Variants in KCNQ3 observed in about 807,000 individuals in gnomAD.
The protein encoded by KCNQ3 is potassium voltage-gated channel subfamily KQT member 3.
A neutral mutation model predicts 92.5 loss-of-function variants in KCNQ3; 30 were observed. The ratio of observed to expected loss-of-function variants is 0.32; its 90% confidence interval spans 0.24 to 0.44. KCNQ3 has a LOEUF of 0.44. Ranked by LOEUF, KCNQ3 falls within the 20% of genes least tolerant of loss-of-function variation. The probability of loss-of-function intolerance (pLI) is 1.00; values close to 1 mark genes in which losing one functional copy is unlikely to be tolerated. For synonymous variants in KCNQ3, 450 were observed against 468.8 expected (o/e 0.96, Z 0.52); for missense variants, 913 against 1,140.3 (o/e 0.80, Z 2.87).
At chr8:132,157,896 T>G (rs1318051820) in intron 9 of KCNQ3, among the ~76,000 whole-genome samples, 2 of 152,136 alleles carry the variant, frequency 1.3e-5, no homozygotes, top group African/African-American at 4.8e-5. Context: ...TTCTCATTGT[T>G]CAACTCCCAT....
At chr8:132,385,461 C>T (rs59221182) in intron 1 of KCNQ3, among the ~76,000 whole-genome samples, 26,068 of 152,068 alleles carry the variant, frequency 0.17, 2,757 homozygotes, top group African/African-American at 0.3. Flanking sequence ...AGTGTAGAGA[C>T]GTGAGGCCCA....
At chr8:132,281,267 AC>A (rs1816503334) in intron 1 of KCNQ3, among the ~76,000 whole-genome samples, 1 of 152,158 alleles carries the variant, frequency 6.6e-6, no homozygotes, top group Admixed American at 6.5e-5. Flanking sequence ...AACACAGTTA[AC>A]TGGGAACTTA....
At chr8:132,140,237 C>T in intron 10 of KCNQ3, 59 bp from the exon 11 acceptor site, 2 of 1,283,154 alleles carry the variant, frequency 1.6e-6, no homozygotes, top group South Asian at 2.4e-5. Context: ...GCTTGGGGAC[C>T]CCACTGTTCG....
chr8:132,120,988 C>A lies in KCNQ3; in HGVS notation c.*8274G>T, dbSNP rs899306963. The stretch of plus-strand genomic sequence containing the variant: ...CTATTAAAGTTGTTCAAATATTGGA[C>A]AGAGCCAGAATATAAATTACACATA... On this transcript the variant is annotated 3_prime_UTR_variant, in exon 15 of 15. Coordinates refer to ENST00000388996, the MANE Select transcript of KCNQ3 (RefSeq NM_004519.4). 2.0e-5 allele frequency: 3 copies of A among 152,044 alleles called. No homozygotes were observed. The highest frequency in any genetic ancestry group is 4.8e-5 in the African/African-American group (2 of 41,394). 9.4% of individuals were successfully genotyped at this position (152,044 alleles called of 1,614,324 possible).
At chr8:132,393,081 C>T (rs1282871933) in intron 1 of KCNQ3, among the ~76,000 whole-genome samples, 1 of 152,144 alleles carries the variant, frequency 6.6e-6, no homozygotes, top group Non-Finnish European at 1.5e-5. Flanking sequence ...TACTGCTCTC[C>T]TACCCTTCCC....
intron 8 of KCNQ3, among the ~76,000 whole-genome samples, chr8:132,163,941 A>G (rs1826067067): frequency 6.6e-6 from 1 of 152,194 alleles, no homozygotes; most frequent in South Asian, 2.1e-4. Flanking sequence ...CAACCCTATG[A>G]AGTACTATTA....
rs573720835 is a variant in KCNQ3, at chr8:132,467,799, T to C, written c.386+12348A>G. On this transcript the variant is annotated intron_variant, in intron 1 of 14. Transcript: ENST00000388996. ...AAGCAAAACTATACTTCGGACAGGA[T>C]TGGACTTAGATCCTAAGGCAGCTGT... 1.6e-4 allele frequency among the ~76,000 whole-genome samples: 24 copies of C among 152,262 alleles called. No homozygotes were observed. In the East Asian group the frequency reaches 2.5e-3, roughly 16 times the overall value.
At chr8:132,368,347 C>T (rs1445560722) in intron 1 of KCNQ3, among the ~76,000 whole-genome samples, 1 of 152,160 alleles carries the variant, frequency 6.6e-6, no homozygotes, top group Non-Finnish European at 1.5e-5. Context: ...TCACAACAAT[C>T]TTATTTGATA....
rs745929401 is a variant in KCNQ3, at chr8:132,129,939, CCATGTGTTG to C, written c.1933_1941del (p.Gln645_Met647del). ...TCCGTGACCTGCACCTGCAACCGTT[CCATGTGTTG>C]CATGTGCATATCCACGAGGAAGTCC... is the stretch of plus-strand genomic sequence containing the variant. On this transcript the variant is annotated inframe_deletion, in exon 15 of 15. Transcript: ENST00000388996. This position sits in a 1 kb window ranked among gnomAD's most constrained non-coding sequence, Gnocchi z 5.9. 1 of 1,614,004 alleles carries C rather than the reference CCATGTGTTG, an allele frequency of 6.2e-7. No homozygotes were observed. The highest frequency in any genetic ancestry group is 8.5e-7 in the Non-Finnish European group (1 of 1,179,898).
intron 1 of KCNQ3, among the ~76,000 whole-genome samples, chr8:132,312,476 AT>A (rs1817623853): frequency 6.6e-6 from 1 of 151,606 alleles, no homozygotes; most frequent in Non-Finnish European, 1.5e-5. Context: ...GACAGAAACA[AT>A]ATGGGGGGCT....
At chr8:132,306,931 C>G (rs1194624638) in intron 1 of KCNQ3, among the ~76,000 whole-genome samples, 1 of 151,992 alleles carries the variant, frequency 6.6e-6, no homozygotes, top group Non-Finnish European at 1.5e-5. Context: ...GGGAACAGAC[C>G]AAGACAGAAT....
chr8:132,411,358 A>C (rs553563381), intron 1 of KCNQ3, among the ~76,000 whole-genome samples: 2 of 152,236 alleles, frequency 1.3e-5, no homozygotes, highest in East Asian at 3.9e-4. Flanking sequence ...GCTTGATTAC[A>C]GGGGACACCG....
intron 6 of KCNQ3, 42 bp from the exon 7 acceptor site, chr8:132,172,735 T>C (rs371150018): frequency 3.7e-5 from 52 of 1,422,350 alleles, no homozygotes; most frequent in Non-Finnish European, 4.5e-5. Flanking sequence ...CCAGCTAGAC[T>C]GTCCCAGCAT....
intron 9 of KCNQ3, among the ~76,000 whole-genome samples, chr8:132,154,208 T>TTTTTG (rs1353261257): frequency 5.6e-5 from 8 of 142,300 alleles, no homozygotes; most frequent in African/African-American, 2.1e-4. Flanking sequence ...TTTTTTTTTT[T>TTTTTG]TTTTTTTTTT....
intron 1 of KCNQ3, among the ~76,000 whole-genome samples, chr8:132,397,906 T>C (rs1468829248): frequency 6.6e-6 from 1 of 152,182 alleles, no homozygotes; most frequent in Non-Finnish European, 1.5e-5. Context: ...TATCCATCTA[T>C]ACAAAATCCT....
intron 2 of KCNQ3, 135 bp from the exon 3 acceptor site, chr8:132,184,502 G>A (rs1826898061): frequency 1.1e-6 from 1 of 917,054 alleles, no homozygotes; most frequent in Middle Eastern, 2.2e-4. Context: ...GGATGGCTGG[G>A]GATGGGGGTG....
intron 1 of KCNQ3, among the ~76,000 whole-genome samples, chr8:132,337,208 G>C (rs1284356617): frequency 6.6e-6 from 1 of 152,242 alleles, no homozygotes; most frequent in East Asian, 1.9e-4. Flanking sequence ...GTAAGGCTGA[G>C]CATGGCGGCT....
At chr8:132,286,894 T>C (rs1046590857) in intron 1 of KCNQ3, among the ~76,000 whole-genome samples, 4 of 152,092 alleles carry the variant, frequency 2.6e-5, no homozygotes, top group African/African-American at 9.7e-5. Context: ...TGAGGAGAGG[T>C]TACCTCTCCC....
At chr8:132,385,405 G>A (rs1819864399) in intron 1 of KCNQ3, among the ~76,000 whole-genome samples, 1 of 152,334 alleles carries the variant, frequency 6.6e-6, no homozygotes, top group South Asian at 2.1e-4. Context: ...TGGTCTGAAT[G>A]TGTTCCTCAG....
Sources: allele counts gnomAD v4.1 joint callset (sites outside exome capture counted in the v4.1 genomes callset), GRCh38; gene constraint gnomAD v4.1.1; non-coding constraint Gnocchi (gnomAD v3.1); transcripts MANE v1.5; gene names NCBI Gene and HGNC (gene_info 2026-07-23, HGNC 2026-07-21).